Variants in PCED1B observed in about 807,000 individuals in gnomAD.
The protein encoded by PCED1B is PC-esterase domain containing 1B.
For synonymous variants in PCED1B, 251 were observed against 246.1 expected, an observed-to-expected ratio of 1.02 and a Z score of -0.19; for missense variants, 573 against 573.9, an observed-to-expected ratio of 1.00 and a Z score of 0.02.
Position 47,205,442 on chromosome 12 carries a change from T to C in PCED1B, c.-525-10780T>C, listed in dbSNP as rs558988482. Among the ~76,000 whole-genome samples the C allele has an allele frequency of 4.6e-5, 7 of 152,314 alleles. No homozygotes were observed. In the East Asian group the frequency reaches 1.2e-3, roughly 25 times the overall value. ...ATTTATAATCTGGTACCTAAGGTGG[T>C]AGTCTTGCAAAGACAGTGTAGTCTT... On this transcript the variant is annotated intron_variant, in intron 2 of 3. Transcript: ENST00000546455.
chr12:47,174,022 G>A (rs10881058), intron 2 of PCED1B, among the ~76,000 whole-genome samples: 85,242 of 151,980 alleles, frequency 0.56, 25,223 homozygotes, highest in South Asian at 0.66. Flanking sequence ...GCTCACACCT[G>A]TAATCCCAGC....
At chr12:47,162,131 A>G (rs11829340) in intron 2 of PCED1B, among the ~76,000 whole-genome samples, 5,458 of 150,182 alleles carry the variant, frequency 0.036, 104 homozygotes, top group Middle Eastern at 0.075. Context: ...TGGGGGGGGG[A>G]AGGATAGCAT....
intron 2 of PCED1B, among the ~76,000 whole-genome samples, chr12:47,197,729 G>T (rs1391416280): frequency 6.6e-6 from 1 of 151,866 alleles, no homozygotes; most frequent in Non-Finnish European, 1.5e-5. Context: ...TGACTCCATG[G>T]ACATTAAAAG....
At chr12:47,188,094 C>A (rs1320147127) in intron 2 of PCED1B, among the ~76,000 whole-genome samples, 1 of 152,128 alleles carries the variant, frequency 6.6e-6, no homozygotes, top group Non-Finnish European at 1.5e-5. Flanking sequence ...CCAGACATAC[C>A]TCTGTCATGG....
intron 2 of PCED1B, among the ~76,000 whole-genome samples, chr12:47,111,844 T>C (rs1215021535): frequency 6.6e-6 from 1 of 152,118 alleles, no homozygotes; most frequent in African/African-American, 2.4e-5. Context: ...AGAAAGTCAC[T>C]TCTTCTCATG....
intron 1 of PCED1B, among the ~76,000 whole-genome samples, chr12:47,091,962 G>T (rs1938285121): frequency 6.6e-6 from 1 of 152,000 alleles, no homozygotes; most frequent in Non-Finnish European, 1.5e-5. Flanking sequence ...AATAGTTTCT[G>T]ATATCTCACA....
intron 2 of PCED1B, among the ~76,000 whole-genome samples, chr12:47,118,405 A>C (rs534065616): frequency 2.0e-5 from 3 of 152,330 alleles, no homozygotes; most frequent in Admixed American, 2.0e-4. Context: ...AGCTTTCTAC[A>C]TATGGCTAGC....
chr12:47,095,663 T>C (rs1938456571), intron 1 of PCED1B, among the ~76,000 whole-genome samples: 1 of 152,208 alleles, frequency 6.6e-6, no homozygotes, highest in Admixed American at 6.5e-5. Context: ...AGCCCATTAT[T>C]CACTAATTAT....
At chr12:47,113,790 A>T (rs1257085049) in intron 2 of PCED1B, among the ~76,000 whole-genome samples, 1 of 152,072 alleles carries the variant, frequency 6.6e-6, no homozygotes, top group African/African-American at 2.4e-5. Context: ...CAGGTGGAAC[A>T]CCTGAGGTCA....
At chr12:47,183,589 C>CT (rs535538873) in intron 2 of PCED1B, among the ~76,000 whole-genome samples, 34 of 149,398 alleles carry the variant, frequency 2.3e-4, no homozygotes, top group Non-Finnish European at 4.3e-4. Context: ...AGAACCATTT[C>CT]TTTTTTTTTT....
At chr12:47,186,476 G>GC (rs1942272109) in intron 2 of PCED1B, among the ~76,000 whole-genome samples, 1 of 152,032 alleles carries the variant, frequency 6.6e-6, no homozygotes, top group African/African-American at 2.4e-5. Flanking sequence ...CTGGTAGGGG[G>GC]GTAGAGGGGG....
chr12:47,182,253 G>A (rs1447129573), intron 2 of PCED1B, among the ~76,000 whole-genome samples: 1 of 152,168 alleles, frequency 6.6e-6, no homozygotes, highest in Non-Finnish European at 1.5e-5. Flanking sequence ...AATTCACTGT[G>A]AGTCACTGTA....
At chr12:47,172,181 C>G (rs1249270788) in intron 2 of PCED1B, among the ~76,000 whole-genome samples, 1 of 152,072 alleles carries the variant, frequency 6.6e-6, no homozygotes, top group Non-Finnish European at 1.5e-5. Context: ...TCTTCCAAGT[C>G]TGCTATCTTT....
At chr12:47,219,942 A>G (rs1298550316) in intron 3 of PCED1B, among the ~76,000 whole-genome samples, 1 of 152,010 alleles carries the variant, frequency 6.6e-6, no homozygotes, top group Non-Finnish European at 1.5e-5. Context: ...GTGTGGTGGC[A>G]TGAGCCTAAA....
intron 2 of PCED1B, among the ~76,000 whole-genome samples, chr12:47,202,589 A>C (rs747277770): frequency 2.2e-5 from 3 of 136,980 alleles, no homozygotes; most frequent in Non-Finnish European, 4.7e-5. Context: ...ACGTCTAGAC[A>C]TTAGTAAAAA....
chr12:47,093,442 C>T (rs1361530350), intron 1 of PCED1B, among the ~76,000 whole-genome samples: 6 of 150,940 alleles, frequency 4.0e-5, no homozygotes, highest in Non-Finnish European at 7.4e-5. Context: ...TATTGTCTTT[C>T]TTATATGTTC....
chr12:47,177,877 G>A (rs1398057536), intron 2 of PCED1B, among the ~76,000 whole-genome samples: 1 of 152,096 alleles, frequency 6.6e-6, no homozygotes, highest in East Asian at 1.9e-4. Context: ...AACTCGGTAG[G>A]TGGAGGTTGC....
At chr12:47,090,617 A>G (rs1192973046) in intron 1 of PCED1B, among the ~76,000 whole-genome samples, 3 of 152,138 alleles carry the variant, frequency 2.0e-5, no homozygotes, top group Non-Finnish European at 4.4e-5. Context: ...CTAGTCACTA[A>G]TTTCCCAGTG....
chr12:47,220,890 G>A (rs1298496480), intron 3 of PCED1B, among the ~76,000 whole-genome samples: 1 of 152,150 alleles, frequency 6.6e-6, no homozygotes, highest in Non-Finnish European at 1.5e-5. Flanking sequence ...ATTCAAAGGT[G>A]AGTCACAGAG....
Sources: allele counts gnomAD v4.1 joint callset (sites outside exome capture counted in the v4.1 genomes callset), GRCh38; gene constraint gnomAD v4.1.1; transcripts MANE v1.5; gene names NCBI Gene and HGNC (gene_info 2026-07-23, HGNC 2026-07-21).